The following BANK1 variants were observed in gnomAD, a reference collection of about 807,000 sequenced individuals.
BANK1 encodes B-cell scaffold protein with ankyrin repeats.
Under a neutral mutation model 94.5 loss-of-function variants are expected in BANK1, and 95 were observed. The ratio of observed to expected loss-of-function variants is 1.00; its 90% CI spans 0.85 to 1.19. BANK1 has a LOEUF of 1.19. Among genes scored for constraint, BANK1 ranks in the 50% most tolerant of loss-of-function variants. The pLI is 0.00. For missense variants in BANK1, 987 were observed against 932.2 expected (o/e 1.06, Z -0.77); for synonymous variants, 334 against 308.4 (o/e 1.08, Z -0.87).
chr4:101,875,038 T>A (rs186750650), intron 5 of BANK1, among the ~76,000 whole-genome samples: 85 of 152,246 alleles, frequency 5.6e-4, no homozygotes, highest in African/African-American at 2.0e-3. Flanking sequence ...CTGCAAGGAT[T>A]TATCAACTGT....
intron 5 of BANK1, among the ~76,000 whole-genome samples, chr4:101,889,604 C>CAAAA (rs59341810): frequency 0.044 from 2,408 of 54,860 alleles, 285 homozygotes; most frequent in African/African-American, 0.13. Flanking sequence ...GACTCCGTCT[C>CAAAA]AAAAAAAAAA....
chr4:102,005,330 T>C (rs951261150), intron 7 of BANK1, among the ~76,000 whole-genome samples: 1 of 152,068 alleles, frequency 6.6e-6, no homozygotes, highest in Non-Finnish European at 1.5e-5. Flanking sequence ...ATTAAAAAAT[T>C]ATAAAATAAA....
At chr4:102,007,142 T>C (rs1726320412) in intron 7 of BANK1, among the ~76,000 whole-genome samples, 2 of 14,228 alleles carry the variant, frequency 1.4e-4, no homozygotes, top group African/African-American at 6.3e-4. Flanking sequence ...ATAAAAAATA[T>C]ATTTTATATA....
intron 7 of BANK1, among the ~76,000 whole-genome samples, chr4:102,007,495 T>C (rs982522855): frequency 6.6e-6 from 1 of 151,976 alleles, no homozygotes; most frequent in Non-Finnish European, 1.5e-5. Flanking sequence ...AAATTTGCTA[T>C]GTTAATAGGG....
intron 6 of BANK1, among the ~76,000 whole-genome samples, chr4:101,907,041 A>G (rs150185614): frequency 0.012 from 1,893 of 152,330 alleles, 19 homozygotes; most frequent in Non-Finnish European, 0.019. Context: ...CATTGTTTCC[A>G]TAGATATTAA....
At chr4:102,022,864 T>C (rs1189139495) in intron 8 of BANK1, among the ~76,000 whole-genome samples, 2 of 152,192 alleles carry the variant, frequency 1.3e-5, no homozygotes, top group Non-Finnish European at 2.9e-5. Flanking sequence ...AAACCAATAA[T>C]GTGCCTGCCT....
chr4:101,982,803 T>TA (rs1725364524), intron 7 of BANK1, among the ~76,000 whole-genome samples: 1 of 151,894 alleles, frequency 6.6e-6, no homozygotes, highest in Admixed American at 6.6e-5. Context: ...AAGTATAATT[T>TA]AAAAATGCCG....
intron 7 of BANK1, among the ~76,000 whole-genome samples, chr4:102,006,797 A>G (rs1343792078): frequency 6.6e-6 from 1 of 151,370 alleles, no homozygotes; most frequent in African/African-American, 2.4e-5. Context: ...TATCTTTAGT[A>G]AACCTGGCCC....
intron 1 of BANK1, among the ~76,000 whole-genome samples, chr4:101,791,400 T>C (rs989396847): frequency 1.3e-5 from 2 of 152,218 alleles, no homozygotes; most frequent in Non-Finnish European, 2.9e-5. Flanking sequence ...AATCCCAGCC[T>C]GGTGAATTGG....
At chr4:101,840,313 G>A (rs1726998162) in intron 2 of BANK1, among the ~76,000 whole-genome samples, 1 of 152,024 alleles carries the variant, frequency 6.6e-6, no homozygotes, top group African/African-American at 2.4e-5. Flanking sequence ...AATATATGAT[G>A]CCTGACTTTG....
chr4:101,925,010 A>G (rs1723109585), intron 7 of BANK1, among the ~76,000 whole-genome samples: 1 of 151,714 alleles, frequency 6.6e-6, no homozygotes, highest in South Asian at 2.1e-4. Flanking sequence ...TCTGAGAATA[A>G]TGACCCTTTT....
intron 13 of BANK1, among the ~76,000 whole-genome samples, chr4:102,070,539 C>A (rs1405822271): frequency 6.6e-6 from 1 of 152,176 alleles, no homozygotes; most frequent in African/African-American, 2.4e-5. Context: ...GGGAAATTGC[C>A]TCTGCCTGGC....
intron 6 of BANK1, among the ~76,000 whole-genome samples, chr4:101,901,866 T>C (rs1038379803): frequency 4.6e-5 from 7 of 151,948 alleles, no homozygotes; most frequent in Admixed American, 1.3e-4. Flanking sequence ...GTTCACACCA[T>C]TCTCCTGCCT....
intron 7 of BANK1, among the ~76,000 whole-genome samples, chr4:101,985,472 G>A (rs1376357096): frequency 1.3e-5 from 2 of 151,946 alleles, no homozygotes; most frequent in Non-Finnish European, 2.9e-5. Context: ...TTTTAATTTA[G>A]TTTTCAAAAT....
intron 7 of BANK1, among the ~76,000 whole-genome samples, chr4:101,990,500 T>C (rs958881039): frequency 2.6e-5 from 4 of 152,192 alleles, no homozygotes; most frequent in African/African-American, 9.6e-5. Flanking sequence ...GAACAAGCAT[T>C]GTCATTTGCA....
intron 7 of BANK1, among the ~76,000 whole-genome samples, chr4:101,995,193 G>A (rs546429753): frequency 2.0e-5 from 3 of 152,190 alleles, no homozygotes; most frequent in Admixed American, 2.0e-4. Context: ...AGAACATGTG[G>A]TATTTGGTTT....
chr4:102,021,428 A>G (rs1212921619), intron 7 of BANK1, 86 bp from the exon 8 acceptor site: 3 of 505,468 alleles, frequency 5.9e-6, no homozygotes, highest in Non-Finnish European at 1.0e-5. Context: ...TTTAAATAAA[A>G]ACAAAAACTA....
At chr4:102,053,078 G>T (rs932751963) in intron 11 of BANK1, among the ~76,000 whole-genome samples, 1 of 152,146 alleles carries the variant, frequency 6.6e-6, no homozygotes, top group Non-Finnish European at 1.5e-5. Context: ...AATCAGTGAC[G>T]TAGAGAACAT....
chr4:101,908,032 C>T (rs1161718102), intron 6 of BANK1, among the ~76,000 whole-genome samples: 1 of 152,144 alleles, frequency 6.6e-6, no homozygotes, highest in East Asian at 1.9e-4. Flanking sequence ...CAATGACTTT[C>T]TTCACAGAAT....
Sources: gnomAD v4.1 joint callset for allele counts (sites outside exome capture counted in the v4.1 genomes callset) on GRCh38, gnomAD v4.1.1 for gene constraint, MANE v1.5 for transcripts, NCBI Gene and HGNC (gene_info 2026-07-23, HGNC 2026-07-21) for gene names.